Variants in EXOC3 observed in about 807,000 individuals in gnomAD.
EXOC3 encodes exocyst complex component 3, also known as SEC6-like 1.
In EXOC3, 21 loss-of-function variants were observed where a neutral mutation model predicts 73.7. The observed-to-expected ratio is 0.29, with a 90% CI of 0.20 to 0.41. EXOC3 has a LOEUF of 0.41. Ranked by LOEUF, EXOC3 falls within the 10% of genes least tolerant of loss-of-function variation. The pLI is 1.00. For missense variants in EXOC3, 842 were observed against 985.1 expected (o/e 0.85, Z 1.95); for synonymous variants, 410 against 389.1 (o/e 1.05, Z -0.63).
Position 464,432 on chromosome 5 carries a change from T to G in EXOC3, c.1776+20T>G. On this transcript the variant is annotated intron_variant, in intron 10 of 12. Transcript: ENST00000512944. ...AAGAAGGTAAGAAGGTGGGACCTAG[T>G]TCCCTCATCACCTTGACGCTAGGGC... is the stretch of plus-strand genomic sequence containing the variant. 1 of 1,610,636 alleles carries G rather than the reference T, an allele frequency of 6.2e-7. No homozygotes were observed. Among genetic ancestry groups the G allele is most frequent in the Non-Finnish European group, 8.5e-7 (1 of 1,177,742 alleles).
chr5:453,400 T>C lies in EXOC3; in HGVS notation c.395T>C (p.Leu132Pro), dbSNP rs1737710411. 1 of 1,593,648 alleles carries C rather than the reference T, an allele frequency of 6.3e-7. No homozygotes were observed. The highest frequency in any genetic ancestry group is 1.3e-5 in the African/African-American group (1 of 74,520). Residue 132 changes from leucine to proline, a missense_variant, in exon 4 of 13, where the codon CTA becomes CCA. By Grantham distance (98) the Leu-to-Pro change is moderately conservative (BLOSUM62 -3). Coordinates refer to ENST00000512944, the MANE Select transcript of EXOC3 (RefSeq NM_007277.5). ...GAGATTGTGAGGGAGACCCAGGACC[T>C]AATTGAACAAGGGGCACTCCTGCAA... ...VPEIVRETQD[L>P]IEQGALLQAH... is the part of the protein sequence containing the mutation.
At chr5:462,328 CT>C (rs755535337) in intron 9 of EXOC3, 21 bp downstream of exon 9, 7 of 1,613,500 alleles carry the variant, frequency 4.3e-6, no homozygotes, top group Non-Finnish European at 5.9e-6. Context: ...CTCTTTCCTC[CT>C]GCCGTTTTCT....
chr5:450,995 G>T (rs898732748), intron 3 of EXOC3, among the ~76,000 whole-genome samples: 2 of 152,030 alleles, frequency 1.3e-5, no homozygotes, highest in Non-Finnish European at 2.9e-5. Flanking sequence ...TACCTCTTTT[G>T]ATTGAAGATT....
rs1737838797 is a variant in EXOC3 at position 457,020 on chromosome 5, G to C, written c.1164+14G>C. 1.3e-6 allele frequency: 2 copies of C among 1,579,056 alleles called. No individual in the cohort carries two copies. Among genetic ancestry groups the C allele is most frequent in the South Asian group, 2.2e-5 (2 of 90,012 alleles). On this transcript the variant is annotated intron_variant, in intron 5 of 12. Transcript: ENST00000512944. ...TCCACGCTCACTGTGAGTAGGGCTG[G>C]CCTGCGTGCCACAGACCACCGTGCT... is the stretch of plus-strand genomic sequence containing the variant.
In EXOC3 at chr5:464,889, G is replaced by A. The variant is rs530241905; in HGVS notation, c.1777-222G>A. Reference sequence around the variant, plus strand: ...GCCTCGCCCGCGTCTGTCCTGCTGGGGGCCGGAGCTGGCCTGGTGCGGGGG... The same window carrying A: ...GCCTCGCCCGCGTCTGTCCTGCTGGAGGCCGGAGCTGGCCTGGTGCGGGGG... On this transcript the variant is annotated intron_variant, in intron 10 of 12. Transcript: ENST00000512944. 3 of 584,292 alleles carry A rather than the reference G, an allele frequency of 5.1e-6. No individual in the cohort carries two copies. The South Asian group carries it at 6.4e-5, about 12-fold the overall frequency. The allele number at this position is 584,292 out of a possible 1,614,324, so 36.2% of individuals were successfully genotyped here.
intron 7 of EXOC3, chr5:459,679 G>A (rs762645195): frequency 1.2e-4 from 50 of 412,786 alleles, no homozygotes; most frequent in Non-Finnish European, 1.9e-4. Flanking sequence ...TCCCAGAGCT[G>A]ATGTGTTGTG....
At chr5:447,913 G>A (rs1737552581) in intron 3 of EXOC3, among the ~76,000 whole-genome samples, 161 bp downstream of exon 3, 1 of 152,226 alleles carries the variant, frequency 6.6e-6, no homozygotes, top group African/African-American at 2.4e-5. Context: ...GTGGATGGAA[G>A]TGATCAGCTG....
Position 454,868 on chromosome 5 carries a change from A to AT in EXOC3, c.1046+837dup, listed in dbSNP as rs370854107. Among the ~76,000 whole-genome samples, 579 of 110,772 alleles carry AT rather than the reference A, an allele frequency of 5.2e-3. 15 individuals are homozygous for AT. Among genetic ancestry groups the AT allele is most frequent in the East Asian group, 0.013 (49 of 3,916 alleles). The allele number at this position is 110,772 out of a possible 152,430, so 72.7% of individuals were successfully genotyped here. A position where few individuals can be genotyped will look rare whatever the true frequency, so the allele number is the denominator to read the frequency against. On this transcript the variant is annotated intron_variant, in intron 4 of 12. Coordinates refer to ENST00000512944, the MANE Select transcript of EXOC3 (RefSeq NM_007277.5). Reference sequence around the variant, plus strand: ...GCAGTGGAGAAATTGAATAAACCTCATTTTTTTTTTTTTTTTTTTTAGCAG... The same window carrying AT: ...GCAGTGGAGAAATTGAATAAACCTCATTTTTTTTTTTTTTTTTTTTTAGCAG...
intron 4 of EXOC3, 26 bp from the exon 5 acceptor site, chr5:456,863 C>A (rs1310732879): frequency 3.2e-6 from 5 of 1,559,356 alleles, no homozygotes; most frequent in Non-Finnish European, 4.4e-6. Context: ...CGTGGTTTGT[C>A]ACTCACATTC....
Position 453,615 on chromosome 5 carries a change from C to T in EXOC3, c.610C>T (p.Arg204Cys), listed in dbSNP as rs757069476. The T allele has an allele frequency of 6.2e-6, 10 of 1,613,734 alleles. No individual in the cohort carries two copies. The highest frequency in any genetic ancestry group is 4.5e-5 in the East Asian group (2 of 44,898). ...VLQRSLVTVR[R>C]DPTLLVSVVR... ...GCAGAGGTCACTGGTCACTGTCCGC[C>T]GTGACCCCACCTTGCTGGTCTCAGT... Residue 204 changes from arginine (R) to cysteine (C), a missense_variant, in exon 4 of 13, where the codon CGT (arginine) becomes TGT (cysteine). By Grantham distance (180) the Arg-to-Cys change is radical. Transcript: ENST00000512944.
Position 446,264 on chromosome 5 carries a change from T to C in EXOC3, c.59T>C (p.Leu20Pro). ...ATAVQRVAGM[L>P]QRPDQLDKVE... is the part of the protein sequence containing the mutation. Reference sequence around the variant, plus strand: ...GCAGTGCAAAGGGTTGCTGGGATGCTCCAGCGCCCGGACCAGCTGGACAAG... The same window carrying C: ...GCAGTGCAAAGGGTTGCTGGGATGCCCCAGCGCCCGGACCAGCTGGACAAG... Residue 20 changes from leucine (L) to proline (P), a missense_variant, in exon 2 of 13, where the codon CTC (leucine) becomes CCC (proline). Transcript: ENST00000512944. The C allele has an allele frequency of 6.2e-7, 1 of 1,613,946 alleles. No homozygotes were observed. The highest frequency in any genetic ancestry group is 8.5e-7 in the Non-Finnish European group (1 of 1,179,868).
At chr5:458,858 A>G (rs537515314) in intron 6 of EXOC3, among the ~76,000 whole-genome samples, 1 of 152,316 alleles carries the variant, frequency 6.6e-6, no homozygotes, top group East Asian at 1.9e-4. Context: ...GGCTAGTCCA[A>G]ACCCTTTCCT....
chr5:464,655 G>A (rs1013599408), intron 10 of EXOC3: 3 of 472,446 alleles, frequency 6.3e-6, no homozygotes, highest in Non-Finnish European at 1.2e-5. Context: ...GGAGAGGCCC[G>A]CGTGCCCCGT....
intron 3 of EXOC3, among the ~76,000 whole-genome samples, chr5:448,577 G>A (rs1737569457): frequency 6.6e-6 from 1 of 152,120 alleles, no homozygotes; most frequent in Admixed American, 6.5e-5. Context: ...CCTGATGTCT[G>A]TATGACACTT....
In EXOC3 at chr5:466,574, G is replaced by A. The variant is rs189435091; in HGVS notation, c.2067-153G>A. 310 of 639,770 alleles carry A rather than the reference G, an allele frequency of 4.8e-4. 1 individual carries two copies. The African/African-American group carries it at 5.3e-3, about 11-fold the overall frequency. 39.6% of individuals were successfully genotyped at this position (639,770 alleles called of 1,614,324 possible). ...CAGAGTAAGATGAAAATGCAGGCTT[G>A]TCTCCCGCTGAAAAGGGAAAGGTGC... On this transcript the variant is annotated intron_variant, in intron 12 of 12. Transcript: ENST00000512944.
At chr5:465,014 C>T in intron 10 of EXOC3, 97 bp from the exon 11 acceptor site, 1 of 1,331,698 alleles carries the variant, frequency 7.5e-7, no homozygotes. Flanking sequence ...CTCAGAGCCT[C>T]CGGGGAGCCA....
intron 8 of EXOC3, 33 bp downstream of exon 8, chr5:462,103 G>A (rs781391611): frequency 1.8e-5 from 29 of 1,595,250 alleles, no homozygotes; most frequent in East Asian, 1.1e-4. Context: ...GCGGGGGAGC[G>A]GTGGAGGCCG....
chr5:462,457 C>A, intron 9 of EXOC3, 150 bp downstream of exon 9: 1 of 809,068 alleles, frequency 1.2e-6, no homozygotes, highest in Non-Finnish European at 2.0e-6. Context: ...TCGCTTAAAG[C>A]GCCTCCGTTT....
intron 3 of EXOC3, among the ~76,000 whole-genome samples, chr5:449,955 AT>A (rs1737607617): frequency 6.6e-6 from 1 of 152,228 alleles, no homozygotes; most frequent in Admixed American, 6.5e-5. Flanking sequence ...TTTTAAAAAT[AT>A]CCCTTATGGC....
Sources: allele counts gnomAD v4.1 joint callset (sites outside exome capture counted in the v4.1 genomes callset), GRCh38; gene constraint gnomAD v4.1.1; transcripts MANE v1.5; gene names NCBI Gene and HGNC (gene_info 2026-07-23, HGNC 2026-07-21).